The following LRRC61 variants were observed in gnomAD, a reference collection of about 807,000 sequenced individuals.
The protein encoded by LRRC61 is leucine rich repeat containing 61.
A neutral mutation model predicts 15.1 loss-of-function variants in LRRC61; 9 were observed. The observed-to-expected ratio is 0.60, with a 90% CI of 0.36 to 1.04. The LOEUF (loss-of-function observed/expected upper bound fraction) is 1.04, where lower values mean the gene tolerates loss of function less well. Ranked by LOEUF, LRRC61 falls within the 50% of genes least tolerant of loss-of-function variation. LRRC61 has a pLI of 0.01. For missense variants in LRRC61, 344 were observed against 335.6 expected (o/e 1.03, Z -0.20); for synonymous variants, 173 against 158.6 (o/e 1.09, Z -0.68).
the LRRC61 span, among the ~76,000 whole-genome samples, chr7:150,312,870 A>G: frequency 1.3e-5 from 2 of 152,186 alleles, no homozygotes; most frequent in Non-Finnish European, 2.9e-5. Flanking sequence ...ACCTGCACAT[A>G]TATGTCCAGA....
intron 2 of LRRC61, among the ~76,000 whole-genome samples, chr7:150,334,423 C>T (rs954404662): frequency 4.8e-5 from 6 of 125,184 alleles, no homozygotes; most frequent in Non-Finnish European, 7.8e-5. Context: ...CTCTGCTGCT[C>T]GTGCATAGGA....
At chr7:150,315,666 AAC>A in the LRRC61 span, among the ~76,000 whole-genome samples, 6,958 of 152,262 alleles carry the variant, frequency 0.046, 438 homozygotes, top group African/African-American at 0.14. Flanking sequence ...CCCCCTCAAC[AAC>A]ACAGTTCCCC....
At position 150,336,768 on chromosome 7, in the gene LRRC61, C is replaced by G; in HGVS notation, c.-94C>G. 1 of 1,505,732 alleles carries G rather than the reference C, an allele frequency of 6.6e-7. No homozygotes were observed. The highest frequency in any genetic ancestry group is 8.9e-7 in the Non-Finnish European group (1 of 1,125,492). The allele number at this position is 1,505,732 out of a possible 1,614,324, so 93.3% of individuals were successfully genotyped here. On this transcript the variant is annotated 5_prime_UTR_variant, in exon 3 of 3. Coordinates refer to ENST00000359623, the MANE Select transcript of LRRC61 (RefSeq NM_001142928.2). ...TCGGAACCAGGCCTCCTGGCACTGG[C>G]CTGGGTAGAGCCAGGGCGAGCACCA...
chr7:150,324,472 C>G (rs1797869243), intron 1 of LRRC61: 1 of 152,288 alleles, frequency 6.6e-6, no homozygotes, highest in South Asian at 2.1e-4. Context: ...TGCGGAGGTG[C>G]TTCCCAGCCC....
intron 1 of LRRC61, chr7:150,323,803 A>G: frequency 2.3e-6 from 1 of 426,698 alleles, no homozygotes; most frequent in Non-Finnish European, 4.7e-6. Flanking sequence ...GGGTGCTGTT[A>G]CTATTCCCGT....
At chr7:150,332,445 CT>C (rs1798140131) in intron 2 of LRRC61, 1 of 167,110 alleles carries the variant, frequency 6.0e-6, no homozygotes, top group African/African-American at 2.4e-5. Context: ...CTCTCACTGG[CT>C]GGCAGCCCCA....
intron 1 of LRRC61, chr7:150,323,872 C>G: frequency 2.8e-6 from 1 of 362,306 alleles, no homozygotes; most frequent in Non-Finnish European, 5.5e-6. Flanking sequence ...TGCTCAGAGA[C>G]GGGCTCTGGA....
intron 2 of LRRC61, among the ~76,000 whole-genome samples, chr7:150,326,802 C>T (rs554871140): frequency 2.0e-5 from 3 of 152,306 alleles, no homozygotes; most frequent in African/African-American, 7.2e-5. Context: ...AGTTAAGTCC[C>T]CTCCAGTGTG....
chr7:150,337,430 GC>G lies in LRRC61; in HGVS notation c.573del (p.Arg192GlufsTer134). 1.9e-6 allele frequency: 3 copies of G among 1,605,058 alleles called. No homozygotes were observed. ...TCCTTGCGTCCCAGCTCCAGTCCAG[GC>G]CCCAGAGCCACCGAGGCCCAGCCCT... is the stretch of plus-strand genomic sequence containing the variant. ...DSSLRPSSSP[G>X]PRATEAQPWV... On this transcript the variant is annotated frameshift_variant, in exon 3 of 3. Transcript: ENST00000359623. LOFTEE classifies it high-confidence loss of function.
chr7:150,327,125 A>C (rs1223154500), intron 2 of LRRC61, among the ~76,000 whole-genome samples: 2 of 145,226 alleles, frequency 1.4e-5, no homozygotes, highest in Non-Finnish European at 1.5e-5. Flanking sequence ...GTTTAGCATC[A>C]CTCATTGTCA....
chr7:150,330,353 C>T lies in LRRC61; in HGVS notation c.-145+4343C>T, dbSNP rs1384847877. 2 of 754,618 alleles carry T rather than the reference C, an allele frequency of 2.7e-6. No homozygotes were observed. Among genetic ancestry groups the T allele is most frequent in the African/African-American group, 3.4e-5 (2 of 58,900 alleles). 46.7% of individuals were successfully genotyped at this position (754,618 alleles called of 1,614,324 possible). On this transcript the variant is annotated intron_variant, in intron 2 of 2. Transcript: ENST00000359623. This position sits in a 1 kb window ranked among gnomAD's most constrained non-coding sequence, Gnocchi z 4.6. ...GGAAGGCTGGTGTTGCCTTGTCGGCCACATTCTGGAGCCCGGCAGACAGCC... is the reference window on the plus strand; with the variant it reads ...GGAAGGCTGGTGTTGCCTTGTCGGCTACATTCTGGAGCCCGGCAGACAGCC...
intron 2 of LRRC61, chr7:150,331,212 C>A: frequency 7.8e-7 from 1 of 1,276,130 alleles, no homozygotes; most frequent in Non-Finnish European, 1.1e-6. Context: ...TGAAGGCCAA[C>A]CTGGAGCAGT....
chr7:150,310,880 C>T, the LRRC61 span, among the ~76,000 whole-genome samples: 1 of 152,192 alleles, frequency 6.6e-6, no homozygotes, highest in African/African-American at 2.4e-5. Context: ...CACCTCTACT[C>T]AAAAGGGTAC....
upstream of LRRC61, chr7:150,322,701 T>A (rs1797667866): frequency 6.6e-6 from 1 of 152,204 alleles, no homozygotes; most frequent in Non-Finnish European, 1.5e-5. Flanking sequence ...GGAGTAGCCA[T>A]CCTTTTACTT....
In LRRC61 at chr7:150,337,959, A is replaced by G. The variant is rs1798365915; in HGVS notation, c.*318A>G. ...TCCTGAGGCTACAGGCGAGAAAGGT[A>G]GGGATGGGCCAGCCTCCCGTCTCAG... On this transcript the variant is annotated 3_prime_UTR_variant, in exon 3 of 3. Transcript: ENST00000359623. 2.2e-6 allele frequency: 1 copy of G among 455,488 alleles called. No homozygotes were observed. Among genetic ancestry groups the G allele is most frequent in the African/African-American group, 2.0e-5 (1 of 49,892 alleles). 28.2% of individuals were successfully genotyped at this position (455,488 alleles called of 1,614,324 possible). A position where few individuals can be genotyped will look rare whatever the true frequency, so the allele number is the denominator to read the frequency against.
intron 2 of LRRC61, chr7:150,331,161 C>T (rs763134774): frequency 1.3e-6 from 2 of 1,535,362 alleles, no homozygotes; most frequent in Non-Finnish European, 1.8e-6. Flanking sequence ...TAGAGCAAAA[C>T]TCTTCTCTCA....
chr7:150,323,826 G>A, intron 1 of LRRC61: 2 of 392,580 alleles, frequency 5.1e-6, no homozygotes, highest in Non-Finnish European at 1.0e-5. Flanking sequence ...TGTAGACGAG[G>A]AAACCGAGGC....
At chr7:150,320,521 G>A (rs1403097402), upstream of LRRC61, among the ~76,000 whole-genome samples, 1 of 152,194 alleles carries the variant, frequency 6.6e-6, no homozygotes, top group Non-Finnish European at 1.5e-5. Flanking sequence ...CCAGCACTTC[G>A]GGAGGCTGAG....
intron 2 of LRRC61, among the ~76,000 whole-genome samples, chr7:150,327,484 T>C (rs889145169): frequency 2.0e-5 from 3 of 152,138 alleles, no homozygotes; most frequent in Non-Finnish European, 4.4e-5. Flanking sequence ...GTTACATTCA[T>C]CTGTCTCCTT....
Sources: gnomAD v4.1 joint callset for allele counts (sites outside exome capture counted in the v4.1 genomes callset) on GRCh38, gnomAD v4.1.1 for gene constraint, Gnocchi (gnomAD v3.1) non-coding constraint, MANE v1.5 for transcripts, NCBI Gene and HGNC (gene_info 2026-07-23, HGNC 2026-07-21) for gene names.